Variants in BICC1 observed in about 807,000 individuals in gnomAD.
BICC1 encodes the protein BicC family RNA binding protein 1.
Under a neutral mutation model 111.0 loss-of-function variants are expected in BICC1, and 43 were observed. The observed-to-expected ratio is 0.39, with a 90% confidence interval of 0.30 to 0.50. The LOEUF (loss-of-function observed/expected upper bound fraction) is 0.50. Ranked by LOEUF, BICC1 falls within the 20% of genes least tolerant of loss-of-function variation. BICC1 has a pLI of 0.88. For missense variants in BICC1, 1,091 were observed against 1,203.2 expected (o/e 0.91, Z 1.38); for synonymous variants, 467 against 434.4 (o/e 1.07, Z -0.93).
chr10:58,596,796 A>G (rs1844828811), intron 1 of BICC1, among the ~76,000 whole-genome samples: 1 of 152,310 alleles, frequency 6.6e-6, no homozygotes, highest in South Asian at 2.1e-4. Context: ...TTGAACTCCC[A>G]TTCACAATTG....
rs1564498002 is a variant in BICC1 at position 58,584,092 on chromosome 10, A to G, written c.191-36763A>G. 2.0e-5 allele frequency among the ~76,000 whole-genome samples: 3 copies of G among 149,022 alleles called. No individual in the cohort carries two copies. The South Asian group carries it at 6.4e-4, about 32-fold the overall frequency. Reference sequence around the variant, plus strand: ...CACACACACACACACACACACACACACACACACAGTTTTTCAGTATTTTTT... The same window carrying G: ...CACACACACACACACACACACACACGCACACACAGTTTTTCAGTATTTTTT... On this transcript the variant is annotated intron_variant, in intron 1 of 20. Transcript: ENST00000373886.
At chr10:58,639,894 G>T (rs1279669936) in intron 2 of BICC1, among the ~76,000 whole-genome samples, 1 of 151,628 alleles carries the variant, frequency 6.6e-6, no homozygotes, top group Non-Finnish European at 1.5e-5. Flanking sequence ...TGTATTTTTT[G>T]TAGAGACAGG....
chr10:58,597,583 C>A (rs1844858734), intron 1 of BICC1, among the ~76,000 whole-genome samples: 1 of 152,050 alleles, frequency 6.6e-6, no homozygotes, highest in Non-Finnish European at 1.5e-5. Context: ...GCAGAGTTTC[C>A]CAACCCTAGT....
Position 58,589,931 on chromosome 10 carries a change from G to T in BICC1, c.191-30924G>T, listed in dbSNP as rs114275474. Among the ~76,000 whole-genome samples the T allele has an allele frequency of 7.5e-3, 1,142 of 152,062 alleles. 16 individuals carry two copies. Among genetic ancestry groups the T allele is most frequent in the African/African-American group, 0.026 (1,085 of 41,442 alleles). ...AGCGATCGTCCTGCCTCAGCCTCCC[G>T]AGTAGCTAGGACCATATATGCACAC... On this transcript the variant is annotated intron_variant, in intron 1 of 20. Coordinates refer to ENST00000373886, the MANE Select transcript of BICC1 (RefSeq NM_001080512.3).
intron 3 of BICC1, among the ~76,000 whole-genome samples, chr10:58,751,194 C>A (rs2132644123): frequency 6.6e-6 from 1 of 152,184 alleles, no homozygotes; most frequent in East Asian, 1.9e-4. Context: ...GGTTGTTTTT[C>A]TTGCTCCTTT....
intron 2 of BICC1, among the ~76,000 whole-genome samples, chr10:58,651,677 T>C: frequency 6.6e-6 from 1 of 152,224 alleles, no homozygotes; most frequent in East Asian, 1.9e-4. Context: ...CCAGTCCTCT[T>C]GGTGAAATAC....
At chr10:58,806,104 T>C (rs1334249418) in intron 15 of BICC1, among the ~76,000 whole-genome samples, 2 of 152,224 alleles carry the variant, frequency 1.3e-5, no homozygotes, top group Non-Finnish European at 2.9e-5. Context: ...TTAGGTTAAA[T>C]AATTTCTTAA....
intron 1 of BICC1, among the ~76,000 whole-genome samples, chr10:58,522,956 G>C (rs1003237713): frequency 6.6e-6 from 1 of 152,174 alleles, no homozygotes; most frequent in Non-Finnish European, 1.5e-5. Context: ...AAATCTAGAA[G>C]AAATGGATTA....
At chr10:58,756,555 C>A (rs1275695294) in intron 3 of BICC1, among the ~76,000 whole-genome samples, 2 of 150,744 alleles carry the variant, frequency 1.3e-5, no homozygotes, top group Non-Finnish European at 3.0e-5. Context: ...TGGTCCCACC[C>A]TAAGGGTTTT....
intron 1 of BICC1, among the ~76,000 whole-genome samples, chr10:58,580,607 A>G (rs1243355935): frequency 1.3e-5 from 2 of 152,158 alleles, no homozygotes; most frequent in African/African-American, 2.4e-5. Context: ...ATTGTTGACT[A>G]TTGGCACAGT....
chr10:58,796,549 G>A (rs778881588), intron 10 of BICC1, 23 bp downstream of exon 10: 78 of 1,586,072 alleles, frequency 4.9e-5, no homozygotes, highest in African/African-American at 6.8e-5. Context: ...TTATTACAGC[G>A]CGTCTCAGTC....
chr10:58,628,496 T>A (rs563372963), intron 2 of BICC1, among the ~76,000 whole-genome samples: 22 of 152,284 alleles, frequency 1.4e-4, no homozygotes, highest in South Asian at 4.1e-4. Flanking sequence ...AAAATTTTTT[T>A]AAGATTTTTT....
At chr10:58,812,609 C>A (rs867652991) in intron 17 of BICC1, among the ~76,000 whole-genome samples, 2 of 151,820 alleles carry the variant, frequency 1.3e-5, no homozygotes, top group African/African-American at 2.4e-5. Context: ...TCCTAAGTAG[C>A]TGGGATTACA....
intron 2 of BICC1, among the ~76,000 whole-genome samples, chr10:58,679,972 T>G (rs1477685482): frequency 6.6e-6 from 1 of 152,154 alleles, no homozygotes; most frequent in African/African-American, 2.4e-5. Context: ...GAAAAGGCCT[T>G]CGATAAAATT....
intron 1 of BICC1, among the ~76,000 whole-genome samples, chr10:58,546,124 C>T (rs1162593549): frequency 6.6e-6 from 1 of 152,114 alleles, no homozygotes; most frequent in Non-Finnish European, 1.5e-5. Flanking sequence ...TAGGTCATGA[C>T]ATAAAAATGC....
At chr10:58,673,036 G>A (rs1425949686) in intron 2 of BICC1, among the ~76,000 whole-genome samples, 1 of 152,114 alleles carries the variant, frequency 6.6e-6, no homozygotes, top group African/African-American at 2.4e-5. Context: ...TGCAATCTTA[G>A]GACATCTGTG....
chr10:58,725,209 C>T (rs1841064609), intron 3 of BICC1, among the ~76,000 whole-genome samples: 1 of 152,060 alleles, frequency 6.6e-6, no homozygotes, highest in Non-Finnish European at 1.5e-5. Context: ...CACATTGTTG[C>T]AAATATCGAT....
At chr10:58,773,725 C>G (rs1268301736) in intron 3 of BICC1, among the ~76,000 whole-genome samples, 1 of 152,188 alleles carries the variant, frequency 6.6e-6, no homozygotes, top group Non-Finnish European at 1.5e-5. Context: ...AACCAGGTAC[C>G]GTTCTCAACT....
Position 58,692,637 on chromosome 10 carries a change from C to T in BICC1, c.238-9437C>T, listed in dbSNP as rs1434205635. Among the ~76,000 whole-genome samples, 6 of 152,190 alleles carry T rather than the reference C, an allele frequency of 3.9e-5. No homozygotes were observed. In the South Asian group the frequency reaches 8.3e-4, roughly 21 times the overall value. On this transcript the variant is annotated intron_variant, in intron 2 of 20. Transcript: ENST00000373886. ...TTTCTTTGTAAAAACTTGTTAAGTT[C>T]GAATAGTGCTTTCTTTTTGTTGTAT...
Sources: gnomAD v4.1 joint callset for allele counts (sites outside exome capture counted in the v4.1 genomes callset) on GRCh38, gnomAD v4.1.1 for gene constraint, MANE v1.5 for transcripts, NCBI Gene and HGNC (gene_info 2026-07-23, HGNC 2026-07-21) for gene names.